CABYR: variants seen among roughly 807,000 people sequenced by gnomAD.
CABYR encodes calcium binding tyrosine phosphorylation regulated.
CABYR carries 31 observed loss-of-function variants against 36.1 expected under a neutral mutation model. The observed-to-expected ratio is 0.86, with a 90% CI of 0.64 to 1.16. The LOEUF is 1.16. Ranked by LOEUF, CABYR falls within the 50% of genes most tolerant of loss-of-function variation. CABYR has a pLI of 0.00. For missense variants in CABYR, 429 were observed against 455.8 expected (o/e 0.94, Z 0.53); for synonymous variants, 146 against 160.7 (o/e 0.91, Z 0.69).
Position 24,159,775 on chromosome 18 carries a change from T to C in CABYR, c.845T>C (p.Val282Ala), listed in dbSNP as rs576870566. The change falls in exon 5 of 6, where the codon GTT (valine) becomes GCT (alanine). Residue 282 changes from valine to alanine, a missense_variant. Transcript: ENST00000399496. ...GWKPLPGHAVVSQSDVLRYVA... is the reference protein window; with the variant it reads ...GWKPLPGHAVASQSDVLRYVA... Reference sequence around the variant, plus strand: ...AAACCTCTTCCTGGACATGCTGTCGTTTCACAGTCAGATGTCTTGAGATAT... The same window carrying C: ...AAACCTCTTCCTGGACATGCTGTCGCTTCACAGTCAGATGTCTTGAGATAT... 1 of 1,614,106 alleles carries C rather than the reference T, an allele frequency of 6.2e-7. No homozygotes were observed. The highest frequency in any genetic ancestry group is 1.3e-5 in the African/African-American group (1 of 75,036).
intron 3 of CABYR, among the ~76,000 whole-genome samples, chr18:24,149,748 G>T (rs1006489951): frequency 1.3e-5 from 2 of 152,258 alleles, no homozygotes; most frequent in Admixed American, 1.3e-4. Flanking sequence ...GCGCCGGTGG[G>T]CTGGCACTGC....
chr18:24,150,627 C>T (rs1254217302), intron 3 of CABYR: 4 of 935,334 alleles, frequency 4.3e-6, no homozygotes, highest in African/African-American at 1.8e-5. Flanking sequence ...ACTTTATAGT[C>T]TCTGGTATTC....
chr18:24,142,089 C>A (rs1370872476), intron 1 of CABYR, among the ~76,000 whole-genome samples: 1 of 152,178 alleles, frequency 6.6e-6, no homozygotes, highest in Non-Finnish European at 1.5e-5. Context: ...CTTTGGGAGC[C>A]TGTGGGTGGA....
chr18:24,147,786 C>T lies in CABYR; in HGVS notation c.199+4373C>T, dbSNP rs944998240. 2.0e-5 allele frequency among the ~76,000 whole-genome samples: 3 copies of T among 152,122 alleles called. No homozygotes were observed. The South Asian group carries it at 6.2e-4, about 32-fold the overall frequency. ...GGTATCTAAAGAGCAGCATTTAACACAATCCCCCTCTGTCATGTTTCTTTA... is the reference window on the plus strand; with the variant it reads ...GGTATCTAAAGAGCAGCATTTAACATAATCCCCCTCTGTCATGTTTCTTTA... On this transcript the variant is annotated intron_variant, in intron 3 of 5. Transcript: ENST00000399496.
chr18:24,149,878 G>C (rs1032505583), intron 3 of CABYR, among the ~76,000 whole-genome samples: 1 of 152,342 alleles, frequency 6.6e-6, no homozygotes, highest in Non-Finnish European at 1.5e-5. Flanking sequence ...ATGCCCACTC[G>C]GAACTCCAGC....
At chr18:24,145,141 C>A (rs1248250669) in intron 3 of CABYR, among the ~76,000 whole-genome samples, 1 of 152,172 alleles carries the variant, frequency 6.6e-6, no homozygotes, top group Non-Finnish European at 1.5e-5. Context: ...CCTTTTTCTA[C>A]CTTTTAAATC....
At chr18:24,142,168 A>C (rs983054009) in intron 1 of CABYR, among the ~76,000 whole-genome samples, 2 of 151,982 alleles carry the variant, frequency 1.3e-5, no homozygotes. Flanking sequence ...AAAAATACAA[A>C]AATTAGCCGG....
intron 3 of CABYR, among the ~76,000 whole-genome samples, chr18:24,150,104 G>C (rs1180805947): frequency 6.6e-6 from 1 of 152,278 alleles, no homozygotes; most frequent in Non-Finnish European, 1.5e-5. Flanking sequence ...GCAGCACGCT[G>C]TCACTTCTCA....
intron 3 of CABYR, among the ~76,000 whole-genome samples, chr18:24,153,590 T>TTATG (rs2085693777): frequency 6.6e-6 from 1 of 152,166 alleles, no homozygotes; most frequent in Non-Finnish European, 1.5e-5. Context: ...GAGACTGTTC[T>TTATG]TATGTCCCTT....
chr18:24,150,068 A>G (rs112038082), intron 3 of CABYR, among the ~76,000 whole-genome samples: 1 of 152,224 alleles, frequency 6.6e-6, no homozygotes, highest in Non-Finnish European at 1.5e-5. Flanking sequence ...AGGAGGCGCC[A>G]AGAGCGAGCA....
At chr18:24,147,867 G>A (rs564457186) in intron 3 of CABYR, among the ~76,000 whole-genome samples, 1 of 152,270 alleles carries the variant, frequency 6.6e-6, no homozygotes, top group East Asian at 1.9e-4. Flanking sequence ...GCAAGTAACA[G>A]CAAATCAATT....
chr18:24,155,999 C>T lies in CABYR; in HGVS notation c.498C>T (p.Ala166=), dbSNP rs752928850. 42 of 1,614,196 alleles carry T rather than the reference C, an allele frequency of 2.6e-5. No individual in the cohort carries two copies. Among genetic ancestry groups the T allele is most frequent in the Non-Finnish European group, 3.6e-5 (42 of 1,180,046 alleles). Reference sequence around the variant, plus strand: ...CAACAGCTGTCTCACCAGAGTTTGCCTACGTCCCAGCTGACCCAGCTCAGC... The same window carrying T: ...CAACAGCTGTCTCACCAGAGTTTGCTTACGTCCCAGCTGACCCAGCTCAGC... ...PPPTAVSPEF[A]YVPADPAQLA... The change falls in exon 4 of 6, where the codon GCC becomes GCT. Residue 166 remains alanine (A), a synonymous_variant. Transcript: ENST00000399496.
chr18:24,150,054 G>A (rs1291152867), intron 3 of CABYR, among the ~76,000 whole-genome samples: 1 of 152,268 alleles, frequency 6.6e-6, no homozygotes, highest in East Asian at 1.9e-4. Flanking sequence ...GGGAGCCCAG[G>A]CAGAGGAGGC....
At chr18:24,144,717 C>A (rs1219062359) in intron 3 of CABYR, among the ~76,000 whole-genome samples, 1 of 152,200 alleles carries the variant, frequency 6.6e-6, no homozygotes, top group African/African-American at 2.4e-5. Context: ...ACCCCAGACT[C>A]AGCTTACCCC....
chr18:24,158,743 G>A (rs1167842129), intron 4 of CABYR, among the ~76,000 whole-genome samples: 3 of 152,158 alleles, frequency 2.0e-5, no homozygotes, highest in East Asian at 1.9e-4. Context: ...CCTTTTGTCC[G>A]AGGGCCCATC....
At chr18:24,145,839 C>T (rs1302450689) in intron 3 of CABYR, among the ~76,000 whole-genome samples, 4 of 152,146 alleles carry the variant, frequency 2.6e-5, no homozygotes, top group Admixed American at 2.0e-4. Flanking sequence ...ATACGTAGTG[C>T]ACTATCATAC....
intron 3 of CABYR, among the ~76,000 whole-genome samples, chr18:24,150,793 T>G (rs1160096435): frequency 6.7e-6 from 1 of 149,914 alleles, no homozygotes; most frequent in Non-Finnish European, 1.5e-5. Context: ...GTTTTTTTTT[T>G]TTTTTGAGAC....
At chr18:24,142,166 A>G (rs955787032) in intron 1 of CABYR, among the ~76,000 whole-genome samples, 10 of 152,042 alleles carry the variant, frequency 6.6e-5, no homozygotes, top group Non-Finnish European at 1.3e-4. Flanking sequence ...CTAAAAATAC[A>G]AAAATTAGCC....
rs202077452 is a variant in CABYR at position 24,150,789 on chromosome 18, T to TG, written c.200-4912_200-4911insG. 2.2e-3 allele frequency among the ~76,000 whole-genome samples: 331 copies of TG among 148,940 alleles called. 3 individuals carry two copies. The highest frequency in any genetic ancestry group is 8.3e-3 in the African/African-American group (325 of 39,252). Reference sequence around the variant, plus strand: ...TTTTGTTTTTTTGTTTTTTGTTTTTTTTTTTTTTTGAGACGGAGTCTCACT... The same window carrying TG: ...TTTTGTTTTTTTGTTTTTTGTTTTTTGTTTTTTTTTGAGACGGAGTCTCACT... On this transcript the variant is annotated intron_variant, in intron 3 of 5. Coordinates refer to ENST00000399496, the MANE Select transcript of CABYR (RefSeq NM_153769.3).
Sources: gnomAD v4.1 joint callset for allele counts (sites outside exome capture counted in the v4.1 genomes callset) on GRCh38, gnomAD v4.1.1 for gene constraint, MANE v1.5 for transcripts, NCBI Gene and HGNC (gene_info 2026-07-23, HGNC 2026-07-21) for gene names.